Variants in ANK3 observed in about 807,000 individuals in gnomAD.
ANK3 encodes the protein ankyrin-3.
A neutral mutation model predicts 370.9 loss-of-function variants in ANK3; 57 were observed. The observed-to-expected ratio is 0.15, with a 90% CI of 0.12 to 0.19. The LOEUF (loss-of-function observed/expected upper bound fraction) is 0.19. Among genes scored for constraint, ANK3 ranks in the 10% least tolerant of loss-of-function variants. The pLI is 1.00. For synonymous variants in ANK3, 1,929 were observed against 1,946.3 expected, an observed-to-expected ratio of 0.99 and a Z score of 0.23; for missense variants, 4,439 against 5,302.1, an observed-to-expected ratio of 0.84 and a Z score of 5.06.
At chr10:60,206,963 T>C (rs1565677245) in intron 10 of ANK3, among the ~76,000 whole-genome samples, 2 of 152,168 alleles carry the variant, frequency 1.3e-5, no homozygotes, top group African/African-American at 4.8e-5. Context: ...TTGTGAAATC[T>C]TCAGAGTCAG....
intron 18 of ANK3, among the ~76,000 whole-genome samples, chr10:60,176,226 G>A (rs184130051): frequency 1.9e-4 from 29 of 150,812 alleles, no homozygotes; most frequent in African/African-American, 4.6e-4. Flanking sequence ...TTAGCCGGGC[G>A]TGGTGGCATG....
At chr10:60,477,391 G>A (rs2075094961) in intron 2 of ANK3, among the ~76,000 whole-genome samples, 1 of 151,936 alleles carries the variant, frequency 6.6e-6, no homozygotes, top group South Asian at 2.1e-4. Flanking sequence ...GTCAAGGAGA[G>A]AATCACAGAA....
chr10:60,326,700 G>A (rs2049953878), intron 1 of ANK3, among the ~76,000 whole-genome samples: 1 of 151,870 alleles, frequency 6.6e-6, no homozygotes, highest in East Asian at 1.9e-4. Context: ...AGGTGGATGT[G>A]GATTCCCTGT....
chr10:60,683,995 A>G (rs1228359746), intron 1 of ANK3, among the ~76,000 whole-genome samples: 21 of 152,222 alleles, frequency 1.4e-4, no homozygotes, highest in Admixed American at 1.4e-3. Flanking sequence ...CTCTAAGAAT[A>G]CTTTTAAGCT....
chr10:60,142,663 A>G (rs2132222612), intron 23 of ANK3, among the ~76,000 whole-genome samples: 1 of 152,254 alleles, frequency 6.6e-6, no homozygotes, highest in African/African-American at 2.4e-5. Context: ...AGAAATGGTC[A>G]CTATGAAACA....
chr10:60,629,016 T>G (rs1234940337), intron 1 of ANK3, among the ~76,000 whole-genome samples: 2 of 152,188 alleles, frequency 1.3e-5, no homozygotes, highest in Admixed American at 6.5e-5. Flanking sequence ...TTTTTGTTGT[T>G]GTTGTTGTTG....
chr10:60,544,168 G>C (rs532074327), intron 2 of ANK3, among the ~76,000 whole-genome samples: 1 of 152,158 alleles, frequency 6.6e-6, no homozygotes, highest in East Asian at 1.9e-4. Flanking sequence ...CCAGAGAAGG[G>C]GGCAGGCATC....
chr10:60,094,860 T>C (rs2089747773), intron 28 of ANK3, among the ~76,000 whole-genome samples: 1 of 152,210 alleles, frequency 6.6e-6, no homozygotes, highest in Non-Finnish European at 1.5e-5. Context: ...AATAAAACCC[T>C]AGATAACATT....
chr10:60,074,968 T>C lies in ANK3; in HGVS notation c.5913A>G (p.Lys1971=). ...ILKKDVCVDN[K]GSPKSPKSDK... The stretch of plus-strand genomic sequence containing the variant: ...CACTCTTTGGTGATTTGGGTGATCC[T>C]TTATTATCTACACATACATCCTTTT... The change falls in exon 37 of 44, where the codon AAA becomes AAG. Residue 1971 remains lysine (K), a synonymous_variant. Coordinates refer to ENST00000280772, the MANE Select transcript of ANK3 (RefSeq NM_020987.5). 6.2e-7 allele frequency: 1 copy of C among 1,613,988 alleles called. No homozygotes were observed. The highest frequency in any genetic ancestry group is 8.5e-7 in the Non-Finnish European group (1 of 1,179,956).
exon 1 of ANK3, chr10:60,733,377 G>A: frequency 8.2e-7 from 1 of 1,215,986 alleles, no homozygotes; most frequent in Non-Finnish European, 1.0e-6. Flanking sequence ...TCCCCGTCCC[G>A]CTCCTCGGGC....
chr10:60,551,982 T>A (rs912946404), intron 2 of ANK3, among the ~76,000 whole-genome samples: 11 of 152,274 alleles, frequency 7.2e-5, no homozygotes, highest in South Asian at 6.2e-4. Flanking sequence ...TCTTCCAACC[T>A]ACTATCTGAA....
intron 7 of ANK3, among the ~76,000 whole-genome samples, chr10:60,242,159 G>T (rs1032960899): frequency 1.1e-4 from 16 of 151,958 alleles, no homozygotes; most frequent in African/African-American, 2.9e-4. Context: ...CCTACTCCTG[G>T]AAGGCCCCTA....
chr10:60,130,682 A>G (rs573200705), intron 25 of ANK3, among the ~76,000 whole-genome samples: 1 of 152,372 alleles, frequency 6.6e-6, no homozygotes, highest in South Asian at 2.1e-4. Context: ...GCACTTCTGA[A>G]GTAAATGCTT....
At chr10:60,380,648 G>A (rs2061432351) in intron 1 of ANK3, among the ~76,000 whole-genome samples, 1 of 152,090 alleles carries the variant, frequency 6.6e-6, no homozygotes, top group African/African-American at 2.4e-5. Flanking sequence ...CAAATAACAG[G>A]ACAGGTAAAT....
chr10:60,187,735 C>T (rs2096380795), intron 16 of ANK3, among the ~76,000 whole-genome samples: 1 of 152,130 alleles, frequency 6.6e-6, no homozygotes, highest in African/African-American at 2.4e-5. Context: ...CATCTCTCCT[C>T]ATTTGGCCTT....
At chr10:60,583,520 TTTTTG>T (rs2077786442) in intron 2 of ANK3, among the ~76,000 whole-genome samples, 5 of 126,290 alleles carry the variant, frequency 4.0e-5, no homozygotes, top group Admixed American at 8.4e-5. Flanking sequence ...TGTTTTTTGT[TTTTTG>T]TTTTTTTTTG....
chr10:60,351,423 T>G (rs554985800), intron 1 of ANK3, among the ~76,000 whole-genome samples: 1 of 152,290 alleles, frequency 6.6e-6, no homozygotes, highest in South Asian at 2.1e-4. Flanking sequence ...ACATCTGCTG[T>G]GTTTATGAGA....
At chr10:60,081,810 C>T in intron 35 of ANK3, 1 of 97,562 alleles carries the variant, frequency 1.0e-5, no homozygotes, top group Non-Finnish European at 1.7e-5. Flanking sequence ...CTTCCTGGTC[C>T]TACTCTTTTC....
chr10:60,236,876 C>G (rs974160797), intron 7 of ANK3, among the ~76,000 whole-genome samples: 6 of 152,252 alleles, frequency 3.9e-5, no homozygotes, highest in Non-Finnish European at 8.8e-5. Context: ...CATACAGTCT[C>G]TTGCATCTAC....
Sources: gnomAD v4.1 joint callset for allele counts (sites outside exome capture counted in the v4.1 genomes callset) on GRCh38, gnomAD v4.1.1 for gene constraint, MANE v1.5 for transcripts, NCBI Gene and HGNC (gene_info 2026-07-23, HGNC 2026-07-21) for gene names.